The following CALM2 variants were observed in gnomAD, a reference collection of about 807,000 sequenced individuals.
CALM2 encodes the protein calmodulin-2.
CALM2 carries 2 observed loss-of-function variants against 19.8 expected under a neutral mutation model. The ratio of observed to expected loss-of-function variants is 0.10; its 90% CI spans 0.04 to 0.32. The LOEUF (loss-of-function observed/expected upper bound fraction) is 0.32. Ranked by LOEUF, CALM2 falls within the 10% of genes least tolerant of loss-of-function variation. The pLI is 1.00. For synonymous variants in CALM2, 51 were observed against 52.1 expected (o/e 0.98, Z 0.09); for missense variants, 38 against 178.7 (o/e 0.21, Z 4.49).
intron 2 of CALM2, among the ~76,000 whole-genome samples, chr2:47,170,371 T>C (rs994317560): frequency 3.3e-5 from 5 of 152,216 alleles, no homozygotes; most frequent in African/African-American, 1.2e-4. Context: ...CATTTCAAGT[T>C]GCCTTAGTTA....
intron 1 of CALM2, chr2:47,173,169 T>A (rs1666732107): frequency 6.6e-6 from 1 of 152,168 alleles, no homozygotes; most frequent in African/African-American, 2.4e-5. Flanking sequence ...GATTAAAGCC[T>A]ACTATAAATC....
At chr2:47,171,234 A>T (rs1448550253) in intron 1 of CALM2, 1 of 156,382 alleles carries the variant, frequency 6.4e-6, no homozygotes, top group Non-Finnish European at 1.4e-5. Context: ...AAATGCAAAG[A>T]ATCCAGAGCT....
intron 1 of CALM2, chr2:47,172,479 C>T (rs544925347): frequency 7.6e-6 from 9 of 1,185,432 alleles, no homozygotes; most frequent in African/African-American, 6.4e-5. Context: ...TAAATGATAA[C>T]CATTATTTCA....
chr2:47,174,967 G>C (rs1666798377), intron 1 of CALM2, among the ~76,000 whole-genome samples: 2 of 151,892 alleles, frequency 1.3e-5, no homozygotes, highest in African/African-American at 4.8e-5. Context: ...AGTTGGCAAG[G>C]ATCCCTAACT....
intron 1 of CALM2, 127 bp from the exon 2 acceptor site, chr2:47,170,891 C>A (rs1399827963): frequency 3.9e-6 from 3 of 774,168 alleles, no homozygotes; most frequent in Non-Finnish European, 7.0e-6. Context: ...ACAAACACAT[C>A]TGGATAGAAA....
intron 1 of CALM2, 186 bp downstream of exon 1, chr2:47,176,255 G>A (rs1666863834): frequency 1.2e-5 from 8 of 652,924 alleles, no homozygotes; most frequent in South Asian, 7.8e-5. Context: ...CCCCCCTGAA[G>A]AGAATGGGGG....
At chr2:47,165,209 G>C (rs917567687) in intron 2 of CALM2, among the ~76,000 whole-genome samples, 8 of 152,216 alleles carry the variant, frequency 5.3e-5, no homozygotes, top group Admixed American at 3.3e-4. Flanking sequence ...AAGCCATATG[G>C]CATAGAAACT....
intron 2 of CALM2, among the ~76,000 whole-genome samples, chr2:47,169,295 T>C (rs1245903861): frequency 1.3e-5 from 2 of 151,934 alleles, no homozygotes; most frequent in African/African-American, 2.4e-5. Context: ...AGTATATTTA[T>C]AAAAAAAACT....
intron 2 of CALM2, among the ~76,000 whole-genome samples, chr2:47,169,788 C>A: frequency 6.6e-6 from 1 of 152,070 alleles, no homozygotes; most frequent in East Asian, 1.9e-4. Flanking sequence ...ATAGTTCCAA[C>A]TGGGCTTCTC....
intron 2 of CALM2, among the ~76,000 whole-genome samples, chr2:47,168,168 C>G (rs370598754): frequency 6.6e-6 from 1 of 152,058 alleles, no homozygotes; most frequent in Non-Finnish European, 1.5e-5. Flanking sequence ...GGTCCCTGAC[C>G]GCACATGATT....
At chr2:47,165,427 T>C (rs1308214223) in intron 2 of CALM2, among the ~76,000 whole-genome samples, 2 of 152,308 alleles carry the variant, frequency 1.3e-5, no homozygotes, top group Non-Finnish European at 1.5e-5. Flanking sequence ...ATAAAAAAAT[T>C]AGTATGTGTC....
intron 2 of CALM2, among the ~76,000 whole-genome samples, chr2:47,166,499 G>C (rs553785227): frequency 6.6e-6 from 1 of 152,212 alleles, no homozygotes; most frequent in African/African-American, 2.4e-5. Context: ...GCTAGAATAA[G>C]TAAAATGCAG....
At chr2:47,174,682 G>GA (rs1203884664) in intron 1 of CALM2, among the ~76,000 whole-genome samples, 5 of 151,010 alleles carry the variant, frequency 3.3e-5, no homozygotes, top group Non-Finnish European at 7.4e-5. Flanking sequence ...ACTCTACCAA[G>GA]AAAAAATCTA....
intron 2 of CALM2, 150 bp downstream of exon 2, chr2:47,170,584 G>A: frequency 1.5e-6 from 1 of 671,190 alleles, no homozygotes; most frequent in South Asian, 1.8e-5. Flanking sequence ...TGCCAAAGCA[G>A]GTTGAATTAC....
intron 2 of CALM2, among the ~76,000 whole-genome samples, chr2:47,167,941 T>C (rs1666541800): frequency 6.6e-6 from 1 of 151,256 alleles, no homozygotes; most frequent in African/African-American, 2.4e-5. Flanking sequence ...CACCAACAAT[T>C]ACAATTTACC....
rs111978493 is a variant in CALM2, at chr2:47,167,237, G to C, written c.34+3497C>G. ...TTTGGACCTTGAAAATTTAATGAAA[G>C]TTTAGGTACAGACTTCTTAAGGAAA... is the stretch of plus-strand genomic sequence containing the variant. On this transcript the variant is annotated intron_variant, in intron 2 of 5. Transcript: ENST00000272298. Among the ~76,000 whole-genome samples the C allele has an allele frequency of 5.1e-3, 774 of 152,140 alleles. 3 individuals carry two copies. Among genetic ancestry groups the C allele is most frequent in the Admixed American group, 0.011 (172 of 15,264 alleles).
At chr2:47,170,628 G>T in intron 2 of CALM2, 106 bp downstream of exon 2, 1 of 884,506 alleles carries the variant, frequency 1.1e-6, no homozygotes. Context: ...TAGTATCCAT[G>T]ACATATACCA....
chr2:47,172,284 G>C (rs1300819088), intron 1 of CALM2: 1 of 332,616 alleles, frequency 3.0e-6, no homozygotes, highest in South Asian at 2.4e-5. Flanking sequence ...GCGTGGCGTG[G>C]GGGGAAAGCA....
intron 1 of CALM2, chr2:47,170,974 T>A (rs540550130): frequency 1.9e-6 from 1 of 518,746 alleles, no homozygotes; most frequent in East Asian, 3.0e-5. Flanking sequence ...TACAAATACT[T>A]CAGAATATTT....
Sources: allele counts gnomAD v4.1 joint callset (sites outside exome capture counted in the v4.1 genomes callset), GRCh38; gene constraint gnomAD v4.1.1; transcripts MANE v1.5; gene names NCBI Gene and HGNC (gene_info 2026-07-23, HGNC 2026-07-21).